The following AIM2 variants were observed in gnomAD, a reference collection of about 807,000 sequenced individuals.
AIM2 encodes absent in melanoma 2.
Under a neutral mutation model 27.7 loss-of-function variants are expected in AIM2, and 30 were observed. The observed-to-expected ratio is 1.08, with a 90% CI of 0.81 to 1.47. The LOEUF is 1.47. AIM2 is among the 40% of genes most tolerant of loss of function. AIM2 has a pLI of 0.00. For missense variants in AIM2, 358 were observed against 411.3 expected (o/e 0.87, Z 1.12); for synonymous variants, 141 against 145.3 (o/e 0.97, Z 0.21).
At chr1:159,101,027 C>A (rs963177169) in intron 1 of AIM2, among the ~76,000 whole-genome samples, 2 of 152,192 alleles carry the variant, frequency 1.3e-5, no homozygotes, top group African/African-American at 2.4e-5. Flanking sequence ...CTCACTTTCA[C>A]CTCACTTTCA....
chr1:159,115,905 A>T (rs941302592), intron 1 of AIM2, among the ~76,000 whole-genome samples: 1 of 151,906 alleles, frequency 6.6e-6, no homozygotes, highest in African/African-American at 2.4e-5. Flanking sequence ...AACCTACAGA[A>T]TGGGAGAAAA....
intron 1 of AIM2, among the ~76,000 whole-genome samples, chr1:159,097,977 A>C (rs1198896850): frequency 1.3e-5 from 2 of 152,162 alleles, no homozygotes; most frequent in Non-Finnish European, 2.9e-5. Flanking sequence ...ATGAAAACAC[A>C]TTTTTAAAAA....
At chr1:159,087,967 T>C (rs966362931) in intron 1 of AIM2, among the ~76,000 whole-genome samples, 5 of 152,242 alleles carry the variant, frequency 3.3e-5, no homozygotes, top group Non-Finnish European at 7.3e-5. Context: ...TTTTTTTGCA[T>C]AATTAAAAAT....
chr1:159,058,274 G>A (rs1006826915), downstream of AIM2, among the ~76,000 whole-genome samples: 4 of 151,654 alleles, frequency 2.6e-5, no homozygotes, highest in Admixed American at 6.6e-5. Flanking sequence ...GCTTGAACCC[G>A]GGAGGCGGAG....
chr1:159,114,487 A>C (rs1647278463), intron 1 of AIM2, among the ~76,000 whole-genome samples: 1 of 152,178 alleles, frequency 6.6e-6, no homozygotes, highest in Admixed American at 6.5e-5. Context: ...TTGGGAGGCC[A>C]AGGAGAATCA....
chr1:159,121,533 T>G (rs1488210744), intron 1 of AIM2, among the ~76,000 whole-genome samples: 1 of 152,218 alleles, frequency 6.6e-6, no homozygotes, highest in Admixed American at 6.5e-5. Context: ...GTGTGTAATT[T>G]GATCTACTTC....
chr1:159,061,495 T>A (rs1293077483), downstream of AIM2, among the ~76,000 whole-genome samples: 3 of 151,318 alleles, frequency 2.0e-5, no homozygotes, highest in Non-Finnish European at 4.4e-5. Context: ...TGGGTTCAAG[T>A]GATTCTCCTG....
chr1:159,129,990 C>T (rs1305005567), intron 1 of AIM2, among the ~76,000 whole-genome samples: 1 of 152,192 alleles, frequency 6.6e-6, no homozygotes, highest in Non-Finnish European at 1.5e-5. Flanking sequence ...CACTAATGTC[C>T]ACTTCTGTCA....
chr1:159,066,343 A>G lies in AIM2; in HGVS notation c.397-14T>C, dbSNP rs1656093870. 2 of 1,598,224 alleles carry G rather than the reference A, an allele frequency of 1.3e-6. No individual in the cohort carries two copies. The highest frequency in any genetic ancestry group is 4.5e-5 in the East Asian group (2 of 44,760). ...TTTCTGTTCAGGCTGAAGACAAGAG[A>G]AGAAAGATATCAGCTGTGAGTCAAA... is the stretch of plus-strand genomic sequence containing the variant. On this transcript the variant is annotated splice_polypyrimidine_tract_variant and intron_variant, in intron 3 of 5. Transcript: ENST00000368130.
intron 1 of AIM2, among the ~76,000 whole-genome samples, chr1:159,098,795 G>A (rs1262742305): frequency 1.3e-5 from 2 of 152,146 alleles, no homozygotes; most frequent in Admixed American, 6.5e-5. Flanking sequence ...TGGAGATACA[G>A]GAAAGAATAA....
At chr1:159,131,306 T>C (rs1410846355) in intron 1 of AIM2, among the ~76,000 whole-genome samples, 1 of 152,222 alleles carries the variant, frequency 6.6e-6, no homozygotes, top group Admixed American at 6.5e-5. Flanking sequence ...TTATACTGTG[T>C]TTCTCTAAAT....
chr1:159,127,381 C>T (rs1328119527), intron 1 of AIM2, among the ~76,000 whole-genome samples: 2 of 152,224 alleles, frequency 1.3e-5, no homozygotes, highest in African/African-American at 4.8e-5. Flanking sequence ...AGTAACAGAT[C>T]AGTGTCGGCC....
At chr1:159,144,491 T>C (rs1218643661), upstream of AIM2, among the ~76,000 whole-genome samples, 3 of 152,178 alleles carry the variant, frequency 2.0e-5, no homozygotes, top group Admixed American at 1.3e-4. Context: ...CAAATAAATC[T>C]ACAGTTTTAA....
intron 2 of AIM2, among the ~76,000 whole-genome samples, chr1:159,070,047 T>G (rs148015482): frequency 2.0e-4 from 30 of 152,264 alleles, no homozygotes; most frequent in Admixed American, 6.5e-4. Flanking sequence ...TTTTCACAGC[T>G]TAGTGCAAGT....
At chr1:159,074,108 T>C (rs1656492177) in intron 1 of AIM2, among the ~76,000 whole-genome samples, 1 of 152,164 alleles carries the variant, frequency 6.6e-6, no homozygotes, top group Non-Finnish European at 1.5e-5. Context: ...AAAATAGATT[T>C]ATCGAGGCAT....
At chr1:159,116,309 T>C (rs1055683011) in intron 1 of AIM2, among the ~76,000 whole-genome samples, 3 of 152,164 alleles carry the variant, frequency 2.0e-5, no homozygotes, top group African/African-American at 7.2e-5. Context: ...GAAATACCAT[T>C]TGACCCAGCA....
At chr1:159,087,482 A>T (rs945118372) in intron 1 of AIM2, among the ~76,000 whole-genome samples, 8 of 152,108 alleles carry the variant, frequency 5.3e-5, no homozygotes, top group Non-Finnish European at 1.0e-4. Context: ...CATTTATATT[A>T]ATCAATTATT....
chr1:159,112,383 A>C (rs2102030034), intron 1 of AIM2, among the ~76,000 whole-genome samples: 1 of 152,318 alleles, frequency 6.6e-6, no homozygotes, highest in Non-Finnish European at 1.5e-5. Flanking sequence ...GCAATATAAC[A>C]ATTCTAAACT....
intron 1 of AIM2, among the ~76,000 whole-genome samples, chr1:159,106,196 G>A (rs1404271569): frequency 6.6e-6 from 1 of 152,150 alleles, no homozygotes; most frequent in Non-Finnish European, 1.5e-5. Flanking sequence ...CTGCAGCTGG[G>A]TGGCTGCAGC....
Sources: allele counts gnomAD v4.1 joint callset (sites outside exome capture counted in the v4.1 genomes callset), GRCh38; gene constraint gnomAD v4.1.1; transcripts MANE v1.5; gene names NCBI Gene and HGNC (gene_info 2026-07-23, HGNC 2026-07-21).